DCSTAMP: variants seen among roughly 807,000 people sequenced by gnomAD.
DCSTAMP encodes the protein dendrocyte expressed seven transmembrane protein.
Under a neutral mutation model 33.8 loss-of-function variants are expected in DCSTAMP, and 25 were observed. That is an observed-to-expected ratio of 0.74 (90% confidence interval 0.54 to 1.03). The LOEUF (loss-of-function observed/expected upper bound fraction) is 1.03, where lower values mean the gene tolerates loss of function less well. Among genes scored for constraint, DCSTAMP ranks in the 50% least tolerant of loss-of-function variants. The pLI is 0.00. For missense variants in DCSTAMP, 531 were observed against 556.8 expected (o/e 0.95, Z 0.47); for synonymous variants, 245 against 216.7 (o/e 1.13, Z -1.15).
At chr8:104,344,659 C>T (rs1188013602) in intron 1 of DCSTAMP, among the ~76,000 whole-genome samples, 1 of 152,144 alleles carries the variant, frequency 6.6e-6, no homozygotes, top group African/African-American at 2.4e-5. Context: ...GTACTCAAGT[C>T]TAAGAAGCTC....
chr8:104,346,284 A>C (rs1810312097), intron 1 of DCSTAMP, among the ~76,000 whole-genome samples: 1 of 152,242 alleles, frequency 6.6e-6, no homozygotes, highest in African/African-American at 2.4e-5. Context: ...TGGGAGAGCA[A>C]AGAGTCATGC....
chr8:104,347,165 C>T (rs948958000), intron 1 of DCSTAMP, among the ~76,000 whole-genome samples: 14 of 152,188 alleles, frequency 9.2e-5, no homozygotes, highest in African/African-American at 1.9e-4. Context: ...TGACTGATGG[C>T]GTGTTAGCAG....
At chr8:104,347,348 A>G (rs1454339600) in intron 1 of DCSTAMP, among the ~76,000 whole-genome samples, 5 of 152,232 alleles carry the variant, frequency 3.3e-5, no homozygotes, top group Non-Finnish European at 1.5e-5. Flanking sequence ...CAGAGACACA[A>G]TGGCCTCAGT....
intron 2 of DCSTAMP, 24 bp downstream of exon 2, chr8:104,349,605 T>A: frequency 1.3e-6 from 2 of 1,583,600 alleles, no homozygotes; most frequent in Non-Finnish European, 1.7e-6. Flanking sequence ...GTACTTCTCA[T>A]GGTTTATCCC....
At position 104,348,720 on chromosome 8, in the gene DCSTAMP, A is replaced by G. The variant is rs374804121; in HGVS notation, c.168A>G (p.Pro56=). The G allele has an allele frequency of 6.2e-7, 1 of 1,614,174 alleles. No homozygotes were observed. The change falls in exon 2 of 4, where the codon CCA becomes CCG. Residue 56 remains proline, a synonymous_variant. Coordinates refer to ENST00000297581, the MANE Select transcript of DCSTAMP (RefSeq NM_030788.4). ...CTGTGGCCGCCTGCTGGTTTCTGCC[A>G]TCAATCATAGCGGCCGCTGCCTCCT... ...LLSVAACWFL[P]SIIAAAASWI...
Position 104,356,305 on chromosome 8 carries a change from C to G in DCSTAMP, c.*107C>G. On this transcript the variant is annotated 3_prime_UTR_variant, in exon 4 of 4. Coordinates refer to ENST00000297581, the MANE Select transcript of DCSTAMP (RefSeq NM_030788.4). ...ATAGAGAACTATGTGACGCAGTCCT[C>G]TCAGGAGTCTGAGTTTACAGAGCCA... 1 of 1,115,584 alleles carries G rather than the reference C, an allele frequency of 9.0e-7. No individual in the cohort carries two copies. 69.1% of individuals were successfully genotyped at this position (1,115,584 alleles called of 1,614,324 possible).
intron 1 of DCSTAMP, chr8:104,340,230 T>C (rs1221447969): frequency 2.0e-5 from 3 of 152,234 alleles, no homozygotes; most frequent in African/African-American, 7.2e-5. Context: ...AATTGTTCCG[T>C]AAATGCTATT....
At chr8:104,353,458 T>A in intron 2 of DCSTAMP, among the ~76,000 whole-genome samples, 1 of 152,252 alleles carries the variant, frequency 6.6e-6, no homozygotes, top group East Asian at 1.9e-4. Context: ...GAACACCCGC[T>A]GCTTTCTTAT....
At position 104,349,244 on chromosome 8, in the gene DCSTAMP, T is replaced by C; in HGVS notation, c.692T>C (p.Met231Thr). 6.2e-7 allele frequency: 1 copy of C among 1,614,238 alleles called. No individual in the cohort carries two copies. Among genetic ancestry groups the C allele is most frequent in the Non-Finnish European group, 8.5e-7 (1 of 1,180,044 alleles). The stretch of plus-strand genomic sequence containing the variant: ...GTCCTGCTTGGCACTGGCCTCTTCA[T>C]GAAGCGATTTTTGGGCCCTTGTGGT... Reference protein sequence around the residue: ...SLVLLGTGLFMKRFLGPCGWK... With the variant: ...SLVLLGTGLFTKRFLGPCGWK... Residue 231 changes from methionine (M) to threonine (T), a missense_variant, in exon 2 of 4, where the codon ATG becomes ACG. Coordinates refer to ENST00000297581, the MANE Select transcript of DCSTAMP (RefSeq NM_030788.4).
rs996506319 is a variant in DCSTAMP at position 104,348,768 on chromosome 8, G to A, written c.216G>A (p.Leu72=). ...CCTGGATTATCACGTGTGTTCTGCT[G>A]TGTTGCTCCAAGCATGCACGATGTT... ...AASWIITCVL[L]CCSKHARCFI... is the part of the protein sequence containing the mutation. Residue 72 remains leucine, a synonymous_variant, in exon 2 of 4, where the codon CTG becomes CTA. Transcript: ENST00000297581. 2 of 1,614,190 alleles carry A rather than the reference G, an allele frequency of 1.2e-6. No homozygotes were observed. The highest frequency in any genetic ancestry group is 1.7e-6 in the Non-Finnish European group (2 of 1,180,038).
chr8:104,342,084 GA>G (rs1332133162), intron 1 of DCSTAMP, among the ~76,000 whole-genome samples: 1 of 152,228 alleles, frequency 6.6e-6, no homozygotes, highest in African/African-American at 2.4e-5. Context: ...AAGCACAAGA[GA>G]GGGGAATAAA....
intron 2 of DCSTAMP, among the ~76,000 whole-genome samples, chr8:104,353,903 T>C (rs1810538482): frequency 2.0e-5 from 3 of 152,230 alleles, no homozygotes; most frequent in Admixed American, 2.0e-4. Context: ...GAGTAGTTTA[T>C]TCATGGGCAG....
intron 1 of DCSTAMP, among the ~76,000 whole-genome samples, chr8:104,346,669 A>G (rs986991722): frequency 3.9e-5 from 6 of 152,220 alleles, no homozygotes; most frequent in African/African-American, 1.4e-4. Context: ...GGCTCGCCTC[A>G]TATCTCTTTT....
At chr8:104,346,941 C>T (rs1028485758) in intron 1 of DCSTAMP, among the ~76,000 whole-genome samples, 2 of 152,222 alleles carry the variant, frequency 1.3e-5, no homozygotes, top group African/African-American at 4.8e-5. Flanking sequence ...TCAGCTACTC[C>T]GTAAATTCAG....
intron 2 of DCSTAMP, among the ~76,000 whole-genome samples, 166 bp from the exon 3 acceptor site, chr8:104,354,711 T>G (rs759354877): frequency 6.6e-6 from 1 of 152,238 alleles, no homozygotes; most frequent in Non-Finnish European, 1.5e-5. Context: ...ACATCTCTTC[T>G]CCTTTGCTCC....
chr8:104,348,883 G>A lies in DCSTAMP; in HGVS notation c.331G>A (p.Val111Ile), dbSNP rs201462772. The A allele has an allele frequency of 3.9e-5, 63 of 1,614,180 alleles. No homozygotes were observed. The African/African-American group carries it at 6.9e-4, about 18-fold the overall frequency. ...CACAGGGATCGTCATCTTGGGACAC[G>A]TAGAAAATATTTTTCACAACTTTAA... The part of the protein sequence containing the change: ...AGTGIVILGH[V>I]ENIFHNFKGL... Residue 111 changes from valine to isoleucine, a missense_variant, in exon 2 of 4, where the codon GTA becomes ATA. Physicochemically the swap from Val to Ile is conservative, Grantham distance 29. Transcript: ENST00000297581.
chr8:104,345,213 G>T (rs988949596), intron 1 of DCSTAMP, among the ~76,000 whole-genome samples: 1 of 152,104 alleles, frequency 6.6e-6, no homozygotes, highest in African/African-American at 2.4e-5. Context: ...TGCATTTACT[G>T]GGGACCTTTT....
chr8:104,340,479 A>AAAAAGG (rs1813684999), intron 1 of DCSTAMP: 1 of 152,252 alleles, frequency 6.6e-6, no homozygotes, highest in Non-Finnish European at 1.5e-5. Flanking sequence ...GAAAGGGAGA[A>AAAAAGG]AAAAGGAAAA....
chr8:104,350,768 C>T lies in DCSTAMP; in HGVS notation c.1029+1187C>T, dbSNP rs150385753. 2.1e-3 allele frequency among the ~76,000 whole-genome samples: 322 copies of T among 152,238 alleles called. 2 individuals carry two copies. Among genetic ancestry groups the T allele is most frequent in the Non-Finnish European group, 4.0e-3 (272 of 68,016 alleles). On this transcript the variant is annotated intron_variant, in intron 2 of 3. Transcript: ENST00000297581. ...GTCTAGGTCTTAGAAAGCAAGGACC[C>T]GCTAACCCAGAGGTCCTCAACCTTG... is the stretch of plus-strand genomic sequence containing the variant.
Sources: gnomAD v4.1 joint callset for allele counts (sites outside exome capture counted in the v4.1 genomes callset) on GRCh38, gnomAD v4.1.1 for gene constraint, MANE v1.5 for transcripts, NCBI Gene and HGNC (gene_info 2026-07-23, HGNC 2026-07-21) for gene names.